ERRFI1: variants seen among roughly 807,000 people sequenced by gnomAD.
ERRFI1 encodes the protein mitogen-inducible gene 6 protein.
Under a neutral mutation model 14.6 loss-of-function variants are expected in ERRFI1, and 12 were observed. The observed-to-expected ratio is 0.82, with a 90% confidence interval of 0.53 to 1.33. The LOEUF (loss-of-function observed/expected upper bound fraction) is 1.33. Ranked by LOEUF, ERRFI1 falls within the 40% of genes most tolerant of loss-of-function variation. The pLI is 0.00. For synonymous variants in ERRFI1, 202 were observed against 209.9 expected, an observed-to-expected ratio of 0.96 and a Z score of 0.32; for missense variants, 482 against 572.1, an observed-to-expected ratio of 0.84 and a Z score of 1.61.
intron 1 of ERRFI1, among the ~76,000 whole-genome samples, chr1:8,020,543 A>AAAC (rs1641260340): frequency 6.9e-6 from 1 of 145,030 alleles, no homozygotes; most frequent in Non-Finnish European, 1.5e-5. Flanking sequence ...AACAAACAAA[A>AAAC]AAACACCAAT....
chr1:8,015,020 A>G (rs1269703759), intron 3 of ERRFI1: 2 of 339,916 alleles, frequency 5.9e-6, no homozygotes, highest in Non-Finnish European at 5.4e-6. Flanking sequence ...GGTTTCATGA[A>G]GTAAAGTATG....
intron 3 of ERRFI1, chr1:8,014,645 C>T (rs1641145976): frequency 2.1e-6 from 1 of 474,260 alleles, no homozygotes; most frequent in Non-Finnish European, 3.7e-6. Flanking sequence ...GCACAGCGCA[C>T]ACCCACACAT....
chr1:8,014,593 G>C, intron 3 of ERRFI1, 197 bp from the exon 4 acceptor site: 1 of 569,850 alleles, frequency 1.8e-6, no homozygotes, highest in Non-Finnish European at 3.0e-6. Flanking sequence ...ACATGGTGTG[G>C]TTCAAAGAAC....
In ERRFI1 at chr1:8,013,306, A is replaced by G. The variant is rs766347455; in HGVS notation, c.1293T>C (p.Gly431=). 1 of 1,614,188 alleles carries G rather than the reference A, an allele frequency of 6.2e-7. No homozygotes were observed. The highest frequency in any genetic ancestry group is 2.2e-5 in the East Asian group (1 of 44,882). The change falls in exon 4 of 4, where the codon GGT becomes GGC. Residue 431 remains glycine, a synonymous_variant. Coordinates refer to ENST00000377482, the MANE Select transcript of ERRFI1 (RefSeq NM_018948.4). This position sits in a 1 kb window ranked among gnomAD's most constrained non-coding sequence, Gnocchi z 4.3. ...AQIQPLPADC[G]ISSATEKPDS... is the part of the protein sequence containing the mutation. ...CTGGCTTTTCTGTGGCTGAAGATAT[A>G]CCGCAGTCAGCAGGTAATGGCTGGA...
At chr1:8,020,624 A>C (rs1170788901) in intron 1 of ERRFI1, among the ~76,000 whole-genome samples, 1 of 149,776 alleles carries the variant, frequency 6.7e-6, no homozygotes, top group Non-Finnish European at 1.5e-5. Context: ...TGCACAGCAC[A>C]ATCTCCACCT....
In ERRFI1 at chr1:8,014,495, T is replaced by C. The variant is rs1047040319; in HGVS notation, c.203-99A>G. 3.4e-6 allele frequency: 4 copies of C among 1,192,042 alleles called. No homozygotes were observed. In the Admixed American group the frequency reaches 9.9e-5, roughly 30 times the overall value. The allele number at this position is 1,192,042 out of a possible 1,614,324, so 73.8% of individuals were successfully genotyped here. On this transcript the variant is annotated intron_variant, in intron 3 of 3. Coordinates refer to ENST00000377482, the MANE Select transcript of ERRFI1 (RefSeq NM_018948.4). ...GCTACCTATGCTTCCACAGCTTTCT[T>C]CCTGAGTGAAACACTTGACTGCTGT...
intron 1 of ERRFI1, among the ~76,000 whole-genome samples, chr1:8,025,137 A>C (rs1202307006): frequency 2.6e-5 from 4 of 152,208 alleles, no homozygotes; most frequent in African/African-American, 9.7e-5. Flanking sequence ...AGTCACCGAC[A>C]CATCTCTTTT....
At chr1:8,016,566 G>T (rs1342089315) in intron 1 of ERRFI1, among the ~76,000 whole-genome samples, 2 of 152,192 alleles carry the variant, frequency 1.3e-5, no homozygotes, top group South Asian at 2.1e-4. Context: ...AGATGTTACA[G>T]GTCTGGAGTC....
In ERRFI1 at chr1:8,013,991, C is replaced by T. The variant is rs748604059; in HGVS notation, c.608G>A (p.Gly203Glu). 4.3e-6 allele frequency: 7 copies of T among 1,614,092 alleles called. No individual in the cohort carries two copies. Among genetic ancestry groups the T allele is most frequent in the South Asian group, 2.2e-5 (2 of 91,074 alleles). Residue 203 changes from glycine (G) to glutamate (E), a missense_variant, in exon 4 of 4, where the codon GGG becomes GAG. Coordinates refer to ENST00000377482, the MANE Select transcript of ERRFI1 (RefSeq NM_018948.4). This position sits in a 1 kb window ranked among gnomAD's most constrained non-coding sequence, Gnocchi z 4.3. ...ATATGCATAGTTGATTTGTCCACACCCACGGAAGCTTCGCCTGCCAGGAAC... is the reference window on the plus strand; with the variant it reads ...ATATGCATAGTTGATTTGTCCACACTCACGGAAGCTTCGCCTGCCAGGAAC... ...YDVPGRRSFR[G>E]CGQINYAYFD... is the part of the protein sequence containing the mutation.
chr1:8,024,055 G>A (rs1440252962), intron 1 of ERRFI1, among the ~76,000 whole-genome samples: 1 of 152,156 alleles, frequency 6.6e-6, no homozygotes, highest in African/African-American at 2.4e-5. Flanking sequence ...AGTTACCCCT[G>A]ACACCTCCTT....
intron 1 of ERRFI1, among the ~76,000 whole-genome samples, chr1:8,017,041 T>A (rs1641185220): frequency 6.6e-6 from 1 of 152,028 alleles, no homozygotes; most frequent in South Asian, 2.1e-4. Flanking sequence ...CATTAGTAGG[T>A]GCTCAGTAAG....
intron 1 of ERRFI1, among the ~76,000 whole-genome samples, chr1:8,015,956 T>A (rs554994351): frequency 6.6e-6 from 1 of 152,278 alleles, no homozygotes; most frequent in Non-Finnish European, 1.5e-5. Context: ...AAAGCAGACC[T>A]CCTACTGCAC....
intron 1 of ERRFI1, among the ~76,000 whole-genome samples, chr1:8,022,443 A>G (rs1482576939): frequency 6.6e-6 from 1 of 152,216 alleles, no homozygotes; most frequent in South Asian, 2.1e-4. Context: ...CTTACACATT[A>G]TCTCACTTGA....
At chr1:8,014,693 A>G (rs769313858) in intron 3 of ERRFI1, 3 of 376,294 alleles carry the variant, frequency 8.0e-6, no homozygotes, top group Non-Finnish European at 1.4e-5. Context: ...AATTCGCGGA[A>G]GATGAATAGC....
chr1:8,014,402 A>G lies in ERRFI1; in HGVS notation c.203-6T>C. 6.4e-7 allele frequency: 1 copy of G among 1,559,214 alleles called. No individual in the cohort carries two copies. Among genetic ancestry groups the G allele is most frequent in the African/African-American group, 1.4e-5 (1 of 73,102 alleles). On this transcript the variant is annotated splice_region_variant and splice_polypyrimidine_tract_variant and intron_variant, in intron 3 of 3. Coordinates refer to ENST00000377482, the MANE Select transcript of ERRFI1 (RefSeq NM_018948.4). ...AGCAGATTTGGAAGCATGCCCTGGA[A>G]TGAACGAGAGATATTAATAAAAGAT... is the stretch of plus-strand genomic sequence containing the variant.
chr1:8,015,635 G>A lies in ERRFI1; in HGVS notation c.-16C>T, dbSNP rs920949327. 6 of 1,613,946 alleles carry A rather than the reference G, an allele frequency of 3.7e-6. No individual in the cohort carries two copies. In the African/African-American group the frequency reaches 8.0e-5, roughly 22 times the overall value. ...CTATTGACATTGTGCCTTATTCTGGGACATCTCCAAACCTGTGAGGCCCAG... is the reference window on the plus strand; with the variant it reads ...CTATTGACATTGTGCCTTATTCTGGAACATCTCCAAACCTGTGAGGCCCAG... On this transcript the variant is annotated 5_prime_UTR_variant, in exon 2 of 4. Transcript: ENST00000377482.
intron 2 of ERRFI1, 52 bp from the exon 3 acceptor site, chr1:8,015,436 C>CT (rs767560134): frequency 1.2e-6 from 2 of 1,613,950 alleles, no homozygotes; most frequent in Non-Finnish European, 1.7e-6. Context: ...ATCACAGCCT[C>CT]TCCCATTTTA....
At chr1:8,025,241 A>G (rs1641326985) in intron 1 of ERRFI1, among the ~76,000 whole-genome samples, 1 of 152,216 alleles carries the variant, frequency 6.6e-6, no homozygotes, top group South Asian at 2.1e-4. Context: ...AGCAATGATG[A>G]AATCCTAATA....
chr1:8,016,262 G>A (rs1271461825), intron 1 of ERRFI1, among the ~76,000 whole-genome samples: 1 of 152,186 alleles, frequency 6.6e-6, no homozygotes, highest in Non-Finnish European at 1.5e-5. Flanking sequence ...TGGCCATGGG[G>A]AGACAAATTC....
Sources: gnomAD v4.1 joint callset for allele counts (sites outside exome capture counted in the v4.1 genomes callset) on GRCh38, gnomAD v4.1.1 for gene constraint, Gnocchi (gnomAD v3.1) non-coding constraint, MANE v1.5 for transcripts, NCBI Gene and HGNC (gene_info 2026-07-23, HGNC 2026-07-21) for gene names.